DIAPH1: variants seen among roughly 807,000 people sequenced by gnomAD.
The protein encoded by DIAPH1 is diaphanous related formin 1.
DIAPH1 carries 46 observed loss-of-function variants against 140.7 expected under a neutral mutation model. The observed-to-expected ratio is 0.33, with a 90% CI of 0.26 to 0.42. The LOEUF is 0.42. Ranked by LOEUF, DIAPH1 falls within the 10% of genes least tolerant of loss-of-function variation. The probability of loss-of-function intolerance (pLI) is 1.00; values close to 1 mark genes in which losing one functional copy is unlikely to be tolerated. For synonymous variants in DIAPH1, 565 were observed against 551.6 expected, an observed-to-expected ratio of 1.02 and a Z score of -0.34; for missense variants, 1,310 against 1,558.7, an observed-to-expected ratio of 0.84 and a Z score of 2.69.
intron 27 of DIAPH1, among the ~76,000 whole-genome samples, chr5:141,520,526 T>TC (rs2099886359): frequency 6.6e-6 from 1 of 152,086 alleles, no homozygotes; most frequent in African/African-American, 2.4e-5. Context: ...ATACACCTTC[T>TC]CCCCCCTTGA....
intron 18 of DIAPH1, among the ~76,000 whole-genome samples, chr5:141,568,563 G>A (rs867978198): frequency 1.6e-4 from 24 of 152,214 alleles, no homozygotes; most frequent in Admixed American, 4.6e-4. Context: ...AGAATCTGGA[G>A]TATAATATTC....
At chr5:141,594,886 C>G (rs1487544093) in intron 1 of DIAPH1, among the ~76,000 whole-genome samples, 1 of 150,638 alleles carries the variant, frequency 6.6e-6, no homozygotes, top group Non-Finnish European at 1.5e-5. Flanking sequence ...AATAACAATA[C>G]AAAAATTAGC....
intron 18 of DIAPH1, among the ~76,000 whole-genome samples, chr5:141,544,884 T>C (rs1214551091): frequency 6.6e-6 from 1 of 152,188 alleles, no homozygotes; most frequent in African/African-American, 2.4e-5. Context: ...CCCAACAATC[T>C]CATCCCTAGG....
At chr5:141,618,776 GC>G in intron 1 of DIAPH1, 21 bp downstream of exon 1, 1 of 1,515,840 alleles carries the variant, frequency 6.6e-7, no homozygotes, top group Non-Finnish European at 9.0e-7. Context: ...CCAGGCAGGA[GC>G]GGGATGGGAG....
intron 18 of DIAPH1, among the ~76,000 whole-genome samples, chr5:141,559,379 T>A (rs1036151735): frequency 6.6e-6 from 1 of 152,120 alleles, no homozygotes; most frequent in Non-Finnish European, 1.5e-5. Context: ...GGCCAAAATA[T>A]ACAACTATCT....
chr5:141,606,285 C>T (rs1295721564), intron 1 of DIAPH1, among the ~76,000 whole-genome samples: 2 of 152,124 alleles, frequency 1.3e-5, no homozygotes, highest in Non-Finnish European at 2.9e-5. Flanking sequence ...TTTCTGTAGC[C>T]ATTAAAGATC....
intron 1 of DIAPH1, among the ~76,000 whole-genome samples, chr5:141,590,635 A>T (rs1490332793): frequency 6.6e-6 from 1 of 152,148 alleles, no homozygotes; most frequent in African/African-American, 2.4e-5. Flanking sequence ...GTTCCCTCAG[A>T]ACCAAGCAAC....
intron 18 of DIAPH1, among the ~76,000 whole-genome samples, chr5:141,556,891 CG>C (rs2099892678): frequency 6.6e-6 from 1 of 152,146 alleles, no homozygotes; most frequent in Admixed American, 6.5e-5. Flanking sequence ...GACGAGGTTT[CG>C]CCATATTGGC....
chr5:141,529,444 A>G (rs2099887880), intron 20 of DIAPH1, among the ~76,000 whole-genome samples, 159 bp downstream of exon 20: 1 of 152,174 alleles, frequency 6.6e-6, no homozygotes, highest in African/African-American at 2.4e-5. Flanking sequence ...TGCAAAATAT[A>G]CCAGAAGTAA....
chr5:141,561,359 G>GTT (rs202019719), intron 18 of DIAPH1, among the ~76,000 whole-genome samples: 3 of 149,356 alleles, frequency 2.0e-5, no homozygotes, highest in Non-Finnish European at 4.5e-5. Context: ...AGTGAAAAGA[G>GTT]TTTTGTTTTT....
In DIAPH1 at chr5:141,609,787, T is replaced by C. The variant is rs368990900; in HGVS notation, c.117+9011A>G. 1.1e-4 allele frequency among the ~76,000 whole-genome samples: 17 copies of C among 152,286 alleles called. No homozygotes were observed. In the East Asian group the frequency reaches 3.1e-3, roughly 28 times the overall value. ...TGGCATTACACAATCTGTAGTATAC[T>C]GAATACAGGAAAACAAAAGGTTGCT... On this transcript the variant is annotated intron_variant, in intron 1 of 27. Coordinates refer to ENST00000389054, the MANE Select transcript of DIAPH1 (RefSeq NM_005219.5).
At chr5:141,587,444 A>C (rs2099897709) in intron 2 of DIAPH1, 2 of 522,290 alleles carry the variant, frequency 3.8e-6, no homozygotes, top group African/African-American at 3.8e-5. Flanking sequence ...AAACCTCTTT[A>C]AACTAGAAGA....
intron 18 of DIAPH1, among the ~76,000 whole-genome samples, chr5:141,560,122 G>T (rs1194581434): frequency 2.6e-5 from 4 of 152,130 alleles, no homozygotes; most frequent in Non-Finnish European, 4.4e-5. Context: ...GTTTTGTATA[G>T]TTCATTTGGA....
chr5:141,540,322 G>A (rs1417226424), intron 18 of DIAPH1, among the ~76,000 whole-genome samples: 1 of 150,134 alleles, frequency 6.7e-6, no homozygotes, highest in African/African-American at 2.5e-5. Flanking sequence ...TCGCTATATC[G>A]CCCAGGCTAG....
intron 18 of DIAPH1, among the ~76,000 whole-genome samples, chr5:141,568,036 G>A (rs561624575): frequency 1.1e-4 from 16 of 152,206 alleles, no homozygotes; most frequent in African/African-American, 3.4e-4. Flanking sequence ...ACTTTAACAA[G>A]TCTAATGTTC....
chr5:141,618,934 G>T lies in DIAPH1; in HGVS notation c.-20C>A. ...CTCCATGTCCCGGTTCACGCTGGCC[G>T]GCGACCCCGCGCCTACGCCGCTCCC... On this transcript the variant is annotated 5_prime_UTR_variant, in exon 1 of 28. Transcript: ENST00000389054. The T allele has an allele frequency of 7.0e-7, 1 of 1,419,692 alleles. No individual in the cohort carries two copies. Among genetic ancestry groups the T allele is most frequent in the South Asian group, 1.4e-5 (1 of 73,870 alleles). 87.9% of individuals were successfully genotyped at this position (1,419,692 alleles called of 1,614,324 possible). A position where few individuals can be genotyped will look rare whatever the true frequency, so the allele number is the denominator to read the frequency against.
intron 27 of DIAPH1, among the ~76,000 whole-genome samples, chr5:141,521,058 G>A (rs112739280): frequency 0.017 from 2,606 of 152,098 alleles, 60 homozygotes; most frequent in African/African-American, 0.058. Context: ...CTGCCACCAC[G>A]CCCGGCTAAT....
intron 18 of DIAPH1, 30 bp downstream of exon 18, chr5:141,571,397 AC>A (rs762332790): frequency 1.3e-6 from 2 of 1,584,470 alleles, no homozygotes; most frequent in Non-Finnish European, 1.7e-6. Flanking sequence ...TATTCAAGAG[AC>A]CAAACTAAAA....
rs1268593849 is a variant in DIAPH1 at position 141,573,863 on chromosome 5, T to A, written c.1987A>T (p.Ile663Phe). ...PPPPLPEGVG[I>F]PSPSSLPGGT... The stretch of plus-strand genomic sequence containing the variant: ...CCAGGCAAAGAAGAGGGTGAAGGGA[T>A]GCCAACACCCTCAGGCAAAGGAGGG... The change falls in exon 16 of 28, where the codon ATC becomes TTC. Residue 663 changes from isoleucine to phenylalanine, a missense_variant. This residue lies in a region of DIAPH1 where 589 missense variants were observed against 549.3 expected (regional missense o/e 1.07). Coordinates refer to ENST00000389054, the MANE Select transcript of DIAPH1 (RefSeq NM_005219.5). The A allele has an allele frequency of 6.6e-7, 1 of 1,516,610 alleles. No individual in the cohort carries two copies. Among genetic ancestry groups the A allele is most frequent in the East Asian group, 2.5e-5 (1 of 40,792 alleles). 93.9% of individuals were successfully genotyped at this position (1,516,610 alleles called of 1,614,324 possible).
Sources: allele counts gnomAD v4.1 joint callset (sites outside exome capture counted in the v4.1 genomes callset), GRCh38; gene constraint gnomAD v4.1.1; regional missense constraint gnomAD v4.1.1; transcripts MANE v1.5; gene names NCBI Gene and HGNC (gene_info 2026-07-23, HGNC 2026-07-21).